ERC2: variants seen among roughly 807,000 people sequenced by gnomAD.
ERC2 encodes the protein ERC protein 2.
ERC2 carries 42 observed loss-of-function variants against 114.8 expected under a neutral mutation model. The ratio of observed to expected loss-of-function variants is 0.37; its 90% confidence interval spans 0.29 to 0.47. The LOEUF is 0.47. ERC2 is among the 20% of genes least tolerant of loss of function. ERC2 has a pLI of 0.99. For synonymous variants in ERC2, 454 were observed against 425.5 expected (o/e 1.07, Z -0.82); for missense variants, 939 against 1,150.7 (o/e 0.82, Z 2.66).
chr3:56,344,111 A>G (rs560649566), intron 2 of ERC2, among the ~76,000 whole-genome samples: 1 of 152,388 alleles, frequency 6.6e-6, no homozygotes, highest in East Asian at 1.9e-4. Context: ...ATTAAACAAA[A>G]TATCTTTTTA....
intron 14 of ERC2, among the ~76,000 whole-genome samples, chr3:55,812,662 T>C (rs1169748114): frequency 2.0e-5 from 3 of 152,194 alleles, no homozygotes; most frequent in Non-Finnish European, 2.9e-5. Context: ...GAAGGGAGCA[T>C]TCCAAGCACA....
intron 14 of ERC2, among the ~76,000 whole-genome samples, chr3:55,792,460 C>T (rs916375846): frequency 6.6e-6 from 1 of 152,096 alleles, no homozygotes; most frequent in African/African-American, 2.4e-5. Flanking sequence ...TATTTTTCTG[C>T]TAAAATTAAG....
At chr3:56,042,143 G>A (rs1390358344) in intron 7 of ERC2, among the ~76,000 whole-genome samples, 1 of 152,090 alleles carries the variant, frequency 6.6e-6, no homozygotes, top group East Asian at 1.9e-4. Flanking sequence ...TCCTGCACCT[G>A]CACATATAGT....
intron 7 of ERC2, among the ~76,000 whole-genome samples, chr3:56,065,055 AG>A (rs1469045756): frequency 1.6e-4 from 25 of 152,316 alleles, no homozygotes; most frequent in Admixed American, 1.5e-3. Context: ...GGGTTTAATG[AG>A]GAGAGAGACA....
At chr3:55,900,071 G>A (rs1559839371) in intron 13 of ERC2, among the ~76,000 whole-genome samples, 1 of 152,162 alleles carries the variant, frequency 6.6e-6, no homozygotes, top group Non-Finnish European at 1.5e-5. Context: ...CTTTAAGGCA[G>A]GGGTACTTTG....
chr3:55,603,499 G>T (rs1456475768), intron 17 of ERC2, among the ~76,000 whole-genome samples: 3 of 23,514 alleles, frequency 1.3e-4, no homozygotes, highest in African/African-American at 2.2e-4. Flanking sequence ...AGGCGTGGTG[G>T]TGGACGCCTG....
chr3:55,970,378 A>G (rs1036678468), intron 12 of ERC2, among the ~76,000 whole-genome samples: 2 of 151,810 alleles, frequency 1.3e-5, no homozygotes, highest in Non-Finnish European at 2.9e-5. Flanking sequence ...TAGTAATATT[A>G]CTAATTACTA....
At chr3:56,354,814 C>T (rs925648814) in intron 2 of ERC2, among the ~76,000 whole-genome samples, 4 of 152,206 alleles carry the variant, frequency 2.6e-5, no homozygotes, top group Non-Finnish European at 5.9e-5. Flanking sequence ...ATGATTAACA[C>T]ATTCCCTCCA....
chr3:56,259,520 G>T (rs1288649269), intron 3 of ERC2, among the ~76,000 whole-genome samples: 1 of 151,960 alleles, frequency 6.6e-6, no homozygotes, highest in Non-Finnish European at 1.5e-5. Flanking sequence ...CATTATATCA[G>T]AGTGACTGGG....
At chr3:56,441,239 G>T (rs1390171062) in intron 1 of ERC2, among the ~76,000 whole-genome samples, 1 of 152,156 alleles carries the variant, frequency 6.6e-6, no homozygotes. Context: ...AAAGCACCCA[G>T]CCAAGAGTCA....
At chr3:55,652,074 G>A (rs932395746) in intron 17 of ERC2, among the ~76,000 whole-genome samples, 2 of 152,154 alleles carry the variant, frequency 1.3e-5, no homozygotes, top group South Asian at 2.1e-4. Flanking sequence ...CCTTTCCTGC[G>A]AACATTTCTG....
At chr3:55,689,073 G>A (rs1052997462) in intron 16 of ERC2, among the ~76,000 whole-genome samples, 1 of 152,146 alleles carries the variant, frequency 6.6e-6, no homozygotes, top group East Asian at 1.9e-4. Context: ...GTCTCTCAAG[G>A]GAGAGGCAGG....
chr3:56,244,491 C>A (rs1004617078), intron 3 of ERC2, among the ~76,000 whole-genome samples: 6 of 151,992 alleles, frequency 3.9e-5, no homozygotes, highest in Non-Finnish European at 8.8e-5. Context: ...CAGCTCCATG[C>A]GTGTTACTGC....
intron 2 of ERC2, among the ~76,000 whole-genome samples, chr3:56,381,704 AAGAG>A (rs770060591): frequency 6.6e-6 from 1 of 150,742 alleles, no homozygotes; most frequent in Non-Finnish European, 1.5e-5. Context: ...GAAGGAAGGA[AAGAG>A]AGAGAAAGGA....
intron 15 of ERC2, among the ~76,000 whole-genome samples, chr3:55,706,224 T>C (rs1348406890): frequency 1.6e-4 from 25 of 152,320 alleles, no homozygotes; most frequent in Non-Finnish European, 1.9e-4. Context: ...CCTGTTTGAC[T>C]ATAGCAGAAA....
At chr3:55,811,296 C>G (rs920716207) in intron 14 of ERC2, among the ~76,000 whole-genome samples, 1 of 152,186 alleles carries the variant, frequency 6.6e-6, no homozygotes, top group Non-Finnish European at 1.5e-5. Context: ...CAAACGCAAC[C>G]TTGACATTAA....
intron 6 of ERC2, among the ~76,000 whole-genome samples, chr3:56,101,531 T>G (rs1323937920): frequency 6.6e-6 from 1 of 151,866 alleles, no homozygotes; most frequent in Non-Finnish European, 1.5e-5. Context: ...CTCCAGTTTT[T>G]AGAGAAGGGA....
At chr3:55,896,017 A>G (rs2063826683) in intron 13 of ERC2, among the ~76,000 whole-genome samples, 1 of 152,124 alleles carries the variant, frequency 6.6e-6, no homozygotes. Context: ...CAGAGACACA[A>G]TAAAGATGTC....
At chr3:55,538,859 C>T (rs572811343) in intron 17 of ERC2, among the ~76,000 whole-genome samples, 1 of 152,324 alleles carries the variant, frequency 6.6e-6, no homozygotes, top group African/African-American at 2.4e-5. Flanking sequence ...GCCACGCTTC[C>T]TCTATCCCTC....
Sources: allele counts gnomAD v4.1 joint callset (sites outside exome capture counted in the v4.1 genomes callset), GRCh38; gene constraint gnomAD v4.1.1; transcripts MANE v1.5; gene names NCBI Gene and HGNC (gene_info 2026-07-23, HGNC 2026-07-21).